ARHGEF7: variants seen among roughly 807,000 people sequenced by gnomAD.
ARHGEF7 encodes the protein PAK-interacting exchange factor beta.
A neutral mutation model predicts 109.8 loss-of-function variants in ARHGEF7; 33 were observed. That is an observed-to-expected ratio of 0.30 (90% CI 0.23 to 0.40). The LOEUF (loss-of-function observed/expected upper bound fraction) is 0.40. Among genes scored for constraint, ARHGEF7 ranks in the 10% least tolerant of loss-of-function variants. The pLI is 1.00. For missense variants in ARHGEF7, 938 were observed against 1,098.5 expected (o/e 0.85, Z 2.07); for synonymous variants, 458 against 424.6 (o/e 1.08, Z -0.97).
chr13:111,160,993 A>C (rs1326666507), intron 2 of ARHGEF7, among the ~76,000 whole-genome samples: 1 of 152,200 alleles, frequency 6.6e-6, no homozygotes, highest in Non-Finnish European at 1.5e-5. Flanking sequence ...TGAAAATCCA[A>C]AATGCTCCAA....
chr13:111,163,754 C>CT (rs1380175078), intron 2 of ARHGEF7, among the ~76,000 whole-genome samples: 1 of 152,048 alleles, frequency 6.6e-6, no homozygotes, highest in Non-Finnish European at 1.5e-5. Flanking sequence ...AGGCTGATCT[C>CT]TAACTCCTGG....
intron 2 of ARHGEF7, 84 bp from the exon 3 acceptor site, chr13:111,205,205 T>C (rs1384546451): frequency 9.6e-7 from 1 of 1,038,710 alleles, no homozygotes; most frequent in African/African-American, 1.6e-5. Context: ...AGGCTGAGCA[T>C]CGTCGCGTTG....
At chr13:111,116,657 G>A (rs562480034) in intron 1 of ARHGEF7, 6 of 152,312 alleles carry the variant, frequency 3.9e-5, no homozygotes, top group African/African-American at 1.4e-4. Context: ...ACCATAATTA[G>A]GAAGAAGGAT....
intron 1 of ARHGEF7, among the ~76,000 whole-genome samples, chr13:111,127,030 T>C (rs556146048): frequency 4.8e-4 from 73 of 152,328 alleles, no homozygotes; most frequent in Non-Finnish European, 9.0e-4. Context: ...TAAACCTGTT[T>C]GTGGACTGAT....
chr13:111,161,173 C>T (rs2076713343), intron 2 of ARHGEF7, among the ~76,000 whole-genome samples: 2 of 152,198 alleles, frequency 1.3e-5, no homozygotes, highest in African/African-American at 4.8e-5. Context: ...AGAATGTGTA[C>T]ATGATGCTGA....
At chr13:111,187,102 T>G (rs2079343939) in intron 2 of ARHGEF7, 4 of 733,310 alleles carry the variant, frequency 5.5e-6, no homozygotes, top group Non-Finnish European at 6.7e-6. Context: ...TCCTTTTGCG[T>G]GCATTTGTGT....
At chr13:111,157,791 CAT>C (rs752744737) in intron 2 of ARHGEF7, among the ~76,000 whole-genome samples, 11 of 152,130 alleles carry the variant, frequency 7.2e-5, no homozygotes, top group Non-Finnish European at 1.3e-4. Flanking sequence ...TGTATGTGTG[CAT>C]GTGTGTGTGT....
intron 1 of ARHGEF7, among the ~76,000 whole-genome samples, chr13:111,147,269 G>A (rs2075645256): frequency 6.6e-6 from 1 of 152,156 alleles, no homozygotes; most frequent in Non-Finnish European, 1.5e-5. Flanking sequence ...TGCAAGAAAC[G>A]GCCAGTTTTC....
chr13:111,215,050 T>A (rs958051659), intron 4 of ARHGEF7, among the ~76,000 whole-genome samples: 1 of 152,126 alleles, frequency 6.6e-6, no homozygotes, highest in Non-Finnish European at 1.5e-5. Context: ...CGGCCACTTT[T>A]AATTTTTTTC....
intron 1 of ARHGEF7, among the ~76,000 whole-genome samples, chr13:111,117,172 G>A (rs900877767): frequency 1.3e-5 from 2 of 152,182 alleles, no homozygotes; most frequent in African/African-American, 2.4e-5. Context: ...GCTTTAAGAA[G>A]TGTCATATGC....
At chr13:111,181,864 C>T (rs1566733844) in intron 2 of ARHGEF7, among the ~76,000 whole-genome samples, 1 of 152,190 alleles carries the variant, frequency 6.6e-6, no homozygotes. Context: ...GCAGAGGGGC[C>T]AGACATCATG....
At chr13:111,223,514 G>A (rs1282352873) in intron 5 of ARHGEF7, among the ~76,000 whole-genome samples, 1 of 152,120 alleles carries the variant, frequency 6.6e-6, no homozygotes, top group African/African-American at 2.4e-5. Flanking sequence ...CAGATAAATT[G>A]ACCAGATGGT....
chr13:111,118,489 C>T (rs776682515), intron 1 of ARHGEF7, among the ~76,000 whole-genome samples: 5 of 152,274 alleles, frequency 3.3e-5, no homozygotes, highest in East Asian at 1.9e-4. Context: ...AAAAAGTTTT[C>T]GCCTTCTCTG....
At chr13:111,213,111 T>G (rs1042689062) in intron 4 of ARHGEF7, among the ~76,000 whole-genome samples, 1 of 152,182 alleles carries the variant, frequency 6.6e-6, no homozygotes, top group Non-Finnish European at 1.5e-5. Flanking sequence ...CAGAGTGTCC[T>G]GGTTTTGGAT....
intron 1 of ARHGEF7, among the ~76,000 whole-genome samples, chr13:111,134,236 A>C (rs2074973838): frequency 6.6e-6 from 1 of 152,170 alleles, no homozygotes. Context: ...TATTGTGAGT[A>C]GTGCCGCAGT....
intron 2 of ARHGEF7, among the ~76,000 whole-genome samples, chr13:111,179,251 T>G (rs1424694891): frequency 6.6e-6 from 1 of 152,056 alleles, no homozygotes; most frequent in African/African-American, 2.4e-5. Context: ...GCTACTTTTT[T>G]TTGTGTGTTT....
rs149813289 is a variant in ARHGEF7 at position 111,127,453 on chromosome 13, C to G, written c.165+11762C>G. 5.3e-3 allele frequency among the ~76,000 whole-genome samples: 799 copies of G among 151,870 alleles called. 3 individuals carry two copies. Among genetic ancestry groups the G allele is most frequent in the African/African-American group, 0.018 (749 of 41,406 alleles). On this transcript the variant is annotated intron_variant, in intron 1 of 21. Coordinates refer to ENST00000646102, the MANE Select transcript of ARHGEF7 (RefSeq NM_001354046.2). The stretch of plus-strand genomic sequence containing the variant: ...TTGCTTGAGGCCAGGAGTTTGAGAC[C>G]AGCCTGAGCAACATAGTGAGACCCT...
At chr13:111,268,587 T>C (rs754625118) in intron 9 of ARHGEF7, among the ~76,000 whole-genome samples, 1 of 152,172 alleles carries the variant, frequency 6.6e-6, no homozygotes, top group Non-Finnish European at 1.5e-5. Context: ...AGAAGCACAT[T>C]TGGGGCTCAG....
At chr13:111,155,542 C>T (rs1175010272) in intron 2 of ARHGEF7, among the ~76,000 whole-genome samples, 1 of 152,188 alleles carries the variant, frequency 6.6e-6, no homozygotes, top group African/African-American at 2.4e-5. Context: ...TTTCAGTAGT[C>T]TTTCCCTGAT....
Sources: allele counts gnomAD v4.1 joint callset (sites outside exome capture counted in the v4.1 genomes callset), GRCh38; gene constraint gnomAD v4.1.1; transcripts MANE v1.5; gene names NCBI Gene and HGNC (gene_info 2026-07-23, HGNC 2026-07-21).